SMC5: variants seen among roughly 807,000 people sequenced by gnomAD.
SMC5 encodes structural maintenance of chromosomes protein 5.
SMC5 carries 88 observed loss-of-function variants against 148.3 expected under a neutral mutation model. The observed-to-expected ratio is 0.59, with a 90% confidence interval of 0.50 to 0.71. The LOEUF is 0.71. SMC5 is among the 30% of genes least tolerant of loss of function. SMC5 has a pLI of 0.00. For missense variants in SMC5, 1,142 were observed against 1,298.9 expected (o/e 0.88, Z 1.86); for synonymous variants, 421 against 432.8 (o/e 0.97, Z 0.34).
chr9:70,312,243 G>A (rs2035677971), intron 11 of SMC5: 1 of 152,190 alleles, frequency 6.6e-6, no homozygotes, highest in Admixed American at 6.6e-5. Flanking sequence ...TACAATCATG[G>A]CGGAAGGCAA....
At chr9:70,328,122 T>C (rs982475240) in intron 17 of SMC5, among the ~76,000 whole-genome samples, 6 of 152,060 alleles carry the variant, frequency 3.9e-5, no homozygotes, top group African/African-American at 1.2e-4. Flanking sequence ...GGAATTACAA[T>C]TCAACATTTG....
chr9:70,352,907 C>G lies in SMC5; in HGVS notation c.*576C>G, dbSNP rs187066103. On this transcript the variant is annotated 3_prime_UTR_variant, in exon 25 of 25. Transcript: ENST00000361138. Reference sequence around the variant, plus strand: ...AAAGAAAGTTTTATGAAACTTGATGCTATAATTTTATTGGTATTTCAAGGG... The same window carrying G: ...AAAGAAAGTTTTATGAAACTTGATGGTATAATTTTATTGGTATTTCAAGGG... 6.6e-6 allele frequency: 1 copy of G among 151,604 alleles called. No homozygotes were observed. The highest frequency in any genetic ancestry group is 2.4e-5 in the African/African-American group (1 of 41,302). 9.4% of individuals were successfully genotyped at this position (151,604 alleles called of 1,614,324 possible).
rs1335086605 is a variant in SMC5 at position 70,325,570 on chromosome 9, A to C, written c.2397+1427A>C. Among the ~76,000 whole-genome samples the C allele has an allele frequency of 2.6e-5, 4 of 152,152 alleles. No individual in the cohort carries two copies. The East Asian group carries it at 7.7e-4, about 29-fold the overall frequency. On this transcript the variant is annotated intron_variant, in intron 17 of 24. Transcript: ENST00000361138. ...GTGATCTAGCCCTGTGAACTCTCAA[A>C]CTAACTGATACTCCTTTGCAGAACA...
Position 70,280,869 on chromosome 9 carries a change from T to A in SMC5, c.789T>A (p.Ile263=), listed in dbSNP as rs762008633. 1 of 1,613,806 alleles carries A rather than the reference T, an allele frequency of 6.2e-7. No individual in the cohort carries two copies. The highest frequency in any genetic ancestry group is 1.3e-5 in the African/African-American group (1 of 74,884). The change falls in exon 6 of 25, where the codon ATT becomes ATA. Residue 263 remains isoleucine (I), a synonymous_variant. Coordinates refer to ENST00000361138, the MANE Select transcript of SMC5 (RefSeq NM_015110.4). Reference sequence around the variant, plus strand: ...AACGGAAGCGACATTTAGATTTAATTGAGATGCTTGAAGCAAAAAGGCCAT... The same window carrying A: ...AACGGAAGCGACATTTAGATTTAATAGAGATGCTTGAAGCAAAAAGGCCAT... The part of the protein sequence containing the change: ...FYERKRHLDL[I]EMLEAKRPWV...
chr9:70,300,439 C>G (rs949734784), intron 10 of SMC5, among the ~76,000 whole-genome samples: 30 of 151,948 alleles, frequency 2.0e-4, no homozygotes, highest in African/African-American at 7.0e-4. Flanking sequence ...ACTTATTGAC[C>G]TAGAATCATG....
At chr9:70,331,712 G>A (rs2036223325) in intron 17 of SMC5, among the ~76,000 whole-genome samples, 3 of 152,078 alleles carry the variant, frequency 2.0e-5, no homozygotes, top group African/African-American at 7.2e-5. Flanking sequence ...CTCTACTTTT[G>A]TATATGTTTG....
intron 17 of SMC5, among the ~76,000 whole-genome samples, chr9:70,334,836 C>T (rs1164285665): frequency 1.3e-5 from 2 of 151,950 alleles, no homozygotes; most frequent in East Asian, 1.9e-4. Flanking sequence ...TAAATAAGCA[C>T]GTGAAAAGAT....
At chr9:70,331,288 TC>T (rs1162950636) in intron 17 of SMC5, among the ~76,000 whole-genome samples, 6 of 152,198 alleles carry the variant, frequency 3.9e-5, no homozygotes, top group African/African-American at 1.2e-4. Context: ...TAAAATACTT[TC>T]AAGGAAAAGT....
At position 70,305,248 on chromosome 9, in the gene SMC5, T is replaced by A. The variant is rs2035466624; in HGVS notation, c.1466T>A (p.Ile489Asn). Residue 489 changes from isoleucine (I) to asparagine (N), a missense_variant and splice_region_variant, in exon 11 of 25, where the codon ATC (isoleucine) becomes AAC (asparagine). Around this residue, in one of 5 missense-constraint regions of SMC5, gnomAD observed 743 missense variants for 835.7 expected, o/e 0.89. Coordinates refer to ENST00000361138, the MANE Select transcript of SMC5 (RefSeq NM_015110.4). The stretch of plus-strand genomic sequence containing the variant: ...ACCTTTTTTTGCTTGTTTGTTTAGA[T>A]CAATATGAAAGATAATAAAAATGCC... Reference protein sequence around the residue: ...QRVCEPIMLTINMKDNKNAKY... With the variant: ...QRVCEPIMLTNNMKDNKNAKY... 1.4e-6 allele frequency: 2 copies of A among 1,429,966 alleles called. No individual in the cohort carries two copies. 88.6% of individuals were successfully genotyped at this position (1,429,966 alleles called of 1,614,324 possible).
At chr9:70,300,017 C>A in intron 9 of SMC5, 29 bp from the exon 10 acceptor site, 4 of 1,527,020 alleles carry the variant, frequency 2.6e-6, no homozygotes, top group Non-Finnish European at 3.5e-6. Flanking sequence ...TTCAGAGAAA[C>A]AAGACTTTGT....
intron 9 of SMC5, among the ~76,000 whole-genome samples, chr9:70,299,498 C>A (rs888554760): frequency 4.6e-5 from 7 of 151,932 alleles, no homozygotes; most frequent in African/African-American, 1.7e-4. Context: ...TCTCTCGTGC[C>A]TTTTCTGTGT....
Position 70,298,035 on chromosome 9 carries a change from A to G in SMC5, c.1123A>G (p.Asn375Asp). Residue 375 changes from asparagine (N) to aspartate (D), a missense_variant, in exon 9 of 25, where the codon AAT (asparagine) becomes GAT (aspartate). By Grantham distance (23) the Asn-to-Asp change is conservative (BLOSUM62 1). This residue lies in a region of SMC5 where 743 missense variants were observed against 835.7 expected (regional missense o/e 0.89). Transcript: ENST00000361138. ...EELDRQRRIG[N>D]TRKMIEDLQN... ...GCTTGACCGACAGAGGAGAATAGGTAATACCCGCAAAATGATAGAGGATTT... is the reference window on the plus strand; with the variant it reads ...GCTTGACCGACAGAGGAGAATAGGTGATACCCGCAAAATGATAGAGGATTT... 1.2e-6 allele frequency: 2 copies of G among 1,614,030 alleles called. No individual in the cohort carries two copies. Among genetic ancestry groups the G allele is most frequent in the Non-Finnish European group, 1.7e-6 (2 of 1,179,932 alleles).
intron 17 of SMC5, among the ~76,000 whole-genome samples, chr9:70,342,245 G>C (rs1407040353): frequency 2.6e-5 from 3 of 117,186 alleles, no homozygotes; most frequent in African/African-American, 9.6e-5. Flanking sequence ...GTTGTGGGGT[G>C]GGGGGAGGGG....
rs1475047115 is a variant in SMC5, at chr9:70,353,802, C to T, written c.*1471C>T. On this transcript the variant is annotated 3_prime_UTR_variant, in exon 25 of 25. Coordinates refer to ENST00000361138, the MANE Select transcript of SMC5 (RefSeq NM_015110.4). The stretch of plus-strand genomic sequence containing the variant: ...GACATTTTTACTAATATGAGCAAGT[C>T]ATGTAAACATTGAAGAACTTGGTAA... 6.6e-6 allele frequency: 1 copy of T among 152,150 alleles called. No individual in the cohort carries two copies. The highest frequency in any genetic ancestry group is 1.5e-5 in the Non-Finnish European group (1 of 68,018). The allele number at this position is 152,150 out of a possible 1,614,324, so 9.4% of individuals were successfully genotyped here. A position where few individuals can be genotyped will look rare whatever the true frequency, so the allele number is the denominator to read the frequency against.
chr9:70,300,046 G>A lies in SMC5; in HGVS notation c.1310G>A (p.Ser437Asn). Residue 437 changes from serine (S) to asparagine (N), a missense_variant and splice_region_variant, in exon 10 of 25, where the codon AGT (serine) becomes AAT (asparagine). By Grantham distance (46) the Ser-to-Asn change is conservative. Transcript: ENST00000361138. The stretch of plus-strand genomic sequence containing the variant: ...ACTTTGTTTTGTTTTACAATTTTAG[G>A]TGTGGACGATCATATTGTACGTTTT... ...ERETLEKEKK[S>N]VDDHIVRFDN... 1.3e-6 allele frequency: 2 copies of A among 1,560,796 alleles called. No homozygotes were observed. The highest frequency in any genetic ancestry group is 1.2e-5 in the South Asian group (1 of 82,398).
In SMC5 at chr9:70,280,821, A is replaced by G; in HGVS notation, c.741A>G (p.Lys247=). Residue 247 remains lysine, a synonymous_variant, in exon 6 of 25, where the codon AAA becomes AAG. Transcript: ENST00000361138. ...TGGTTCAGAGGAATGAAAGATATAAACAAGATGTGGAGAGGTTCTATGAAC... is the reference window on the plus strand; with the variant it reads ...TGGTTCAGAGGAATGAAAGATATAAGCAAGATGTGGAGAGGTTCTATGAAC... The part of the protein sequence containing the change: ...QKMVQRNERY[K]QDVERFYERK... 1 of 1,613,942 alleles carries G rather than the reference A, an allele frequency of 6.2e-7. No individual in the cohort carries two copies. Among genetic ancestry groups the G allele is most frequent in the Non-Finnish European group, 8.5e-7 (1 of 1,179,920 alleles).
intron 15 of SMC5, among the ~76,000 whole-genome samples, chr9:70,322,942 C>T (rs763918989): frequency 1.3e-5 from 2 of 152,166 alleles, no homozygotes; most frequent in African/African-American, 2.4e-5. Context: ...TGTTATTTCG[C>T]TTTACCCATT....
chr9:70,347,640 G>A lies in SMC5; in HGVS notation c.2692G>A (p.Glu898Lys), dbSNP rs201481191. 14 of 1,577,152 alleles carry A rather than the reference G, an allele frequency of 8.9e-6. No homozygotes were observed. In the East Asian group the frequency reaches 3.2e-4, roughly 36 times the overall value. ...TGTTCAGGAATATACAAAAAGAGAAGAAGAAATAGAACAGTTAACTGAGGA... is the reference window on the plus strand; with the variant it reads ...TGTTCAGGAATATACAAAAAGAGAAAAAGAAATAGAACAGTTAACTGAGGA... The part of the protein sequence containing the change: ...TIVQEYTKRE[E>K]EIEQLTEELK... Residue 898 changes from glutamate (E) to lysine (K), a missense_variant, in exon 21 of 25, where the codon GAA becomes AAA. Transcript: ENST00000361138.
At chr9:70,277,611 T>C in intron 4 of SMC5, 139 bp downstream of exon 4, 1 of 603,682 alleles carries the variant, frequency 1.7e-6, no homozygotes, top group South Asian at 5.0e-5. Flanking sequence ...TAGCATTTCA[T>C]CACTTAGAGT....
Sources: allele counts gnomAD v4.1 joint callset (sites outside exome capture counted in the v4.1 genomes callset), GRCh38; gene constraint gnomAD v4.1.1; regional missense constraint gnomAD v4.1.1; transcripts MANE v1.5; gene names NCBI Gene and HGNC (gene_info 2026-07-23, HGNC 2026-07-21).